Variants in COX10 observed in about 807,000 individuals in gnomAD.
COX10 encodes protoheme IX farnesyltransferase, mitochondrial.
Under a neutral mutation model 37.3 loss-of-function variants are expected in COX10, and 27 were observed. That is an observed-to-expected ratio of 0.72 (90% CI 0.53 to 1.00). The LOEUF is 1.00. Among genes scored for constraint, COX10 ranks in the 50% least tolerant of loss-of-function variants. The probability of loss-of-function intolerance (pLI) is 0.00; values close to 1 mark genes in which losing one functional copy is unlikely to be tolerated. For missense variants in COX10, 475 were observed against 563.2 expected (o/e 0.84, Z 1.59); for synonymous variants, 222 against 229.1 (o/e 0.97, Z 0.28).
intron 4 of COX10, among the ~76,000 whole-genome samples, chr17:14,151,042 A>C (rs541383794): frequency 6.7e-6 from 1 of 148,168 alleles, no homozygotes; most frequent in East Asian, 2.0e-4. Context: ...TAACATTATG[A>C]AAAACTAATT....
intron 4 of COX10, among the ~76,000 whole-genome samples, chr17:14,149,552 A>G (rs888342725): frequency 1.3e-5 from 2 of 152,156 alleles, no homozygotes; most frequent in Non-Finnish European, 2.9e-5. Flanking sequence ...TTCCTTGGCC[A>G]TGATGATTCA....
chr17:14,103,904 A>G (rs1020060338), intron 4 of COX10, among the ~76,000 whole-genome samples: 1 of 152,188 alleles, frequency 6.6e-6, no homozygotes, highest in Non-Finnish European at 1.5e-5. Context: ...TACGGGGGAA[A>G]GCCACAGAAT....
At chr17:14,139,879 G>T (rs569785289) in intron 4 of COX10, among the ~76,000 whole-genome samples, 1 of 152,086 alleles carries the variant, frequency 6.6e-6, no homozygotes, top group East Asian at 1.9e-4. Context: ...GAGCAATGTA[G>T]GCCTGGAGAA....
At chr17:14,172,698 C>T (rs546557548) in intron 5 of COX10, among the ~76,000 whole-genome samples, 1 of 151,666 alleles carries the variant, frequency 6.6e-6, no homozygotes, top group African/African-American at 2.4e-5. Context: ...CCCGCTCAGC[C>T]TCCCAAGTAG....
chr17:14,153,187 A>C (rs1904953173), intron 4 of COX10, among the ~76,000 whole-genome samples: 1 of 152,198 alleles, frequency 6.6e-6, no homozygotes, highest in Non-Finnish European at 1.5e-5. Flanking sequence ...CAGCCGTACT[A>C]AACTTCCAAA....
intron 4 of COX10, among the ~76,000 whole-genome samples, chr17:14,107,871 A>T (rs1255798235): frequency 6.6e-6 from 1 of 152,124 alleles, no homozygotes; most frequent in Non-Finnish European, 1.5e-5. Context: ...GACAGCCTTG[A>T]TGAGTAGAAT....
intron 6 of COX10, among the ~76,000 whole-genome samples, chr17:14,195,636 C>T (rs937354925): frequency 6.6e-6 from 1 of 152,162 alleles, no homozygotes; most frequent in African/African-American, 2.4e-5. Flanking sequence ...AATAATGAGA[C>T]TGTACCTGTG....
At chr17:14,194,453 G>A (rs980207656) in intron 6 of COX10, among the ~76,000 whole-genome samples, 2 of 152,150 alleles carry the variant, frequency 1.3e-5, no homozygotes, top group Admixed American at 6.5e-5. Flanking sequence ...TTGAGATGGC[G>A]TCTCGCTCTG....
At chr17:14,197,712 G>T (rs2856177) in intron 6 of COX10, among the ~76,000 whole-genome samples, 1 of 149,136 alleles carries the variant, frequency 6.7e-6, no homozygotes, top group Non-Finnish European at 1.5e-5. Context: ...TTTTCTCCCC[G>T]TCACAGTGCC....
chr17:14,205,766 T>G (rs1358223048), intron 6 of COX10, among the ~76,000 whole-genome samples: 1 of 152,160 alleles, frequency 6.6e-6, no homozygotes, highest in African/African-American at 2.4e-5. Flanking sequence ...TGGCATTGCC[T>G]AATTTTTTTT....
chr17:14,128,726 G>C (rs145728374), intron 4 of COX10, among the ~76,000 whole-genome samples: 71 of 152,320 alleles, frequency 4.7e-4, no homozygotes, highest in African/African-American at 1.7e-3. Flanking sequence ...ATTATGGATG[G>C]ATTTATGATT....
chr17:14,096,090 G>C (rs939949739), intron 3 of COX10, among the ~76,000 whole-genome samples: 2 of 152,138 alleles, frequency 1.3e-5, no homozygotes, highest in East Asian at 3.9e-4. Context: ...GGCATGGCAT[G>C]GTGAGAAGGT....
chr17:14,140,193 CTTA>C (rs1286680596), intron 4 of COX10, among the ~76,000 whole-genome samples: 1 of 152,126 alleles, frequency 6.6e-6, no homozygotes, highest in Non-Finnish European at 1.5e-5. Flanking sequence ...TCTATCTATA[CTTA>C]TTATTTGTTT....
At chr17:14,100,320 C>G (rs1163073130) in intron 3 of COX10, among the ~76,000 whole-genome samples, 1 of 152,070 alleles carries the variant, frequency 6.6e-6, no homozygotes, top group Non-Finnish European at 1.5e-5. Flanking sequence ...TCAGTGATAG[C>G]CCCCCCAAAT....
chr17:14,107,056 G>A (rs1201464397), intron 4 of COX10, among the ~76,000 whole-genome samples: 1 of 152,090 alleles, frequency 6.6e-6, no homozygotes, highest in Non-Finnish European at 1.5e-5. Flanking sequence ...TGTCCTGTGT[G>A]TTGCAGAGTG....
Position 14,076,893 on chromosome 17 carries a change from G to A in COX10, c.336G>A (p.Lys112=), listed in dbSNP as rs1915167539. The A allele has an allele frequency of 6.2e-7, 1 of 1,613,980 alleles. No individual in the cohort carries two copies. The highest frequency in any genetic ancestry group is 1.7e-5 in the Admixed American group (1 of 59,982). The change falls in exon 3 of 7, where the codon AAG becomes AAA. Residue 112 remains lysine (K), a synonymous_variant. Coordinates refer to ENST00000261643, the MANE Select transcript of COX10 (RefSeq NM_001303.4). The part of the protein sequence containing the change: ...LSPPSLSLSR[K]PNEKELIELE... ...CGCCCAGCCTATCTTTGTCCAGAAA[G>A]CCAAATGAAAAGGAATTGATAGAAC...
intron 6 of COX10, among the ~76,000 whole-genome samples, chr17:14,197,861 A>G (rs1178603929): frequency 3.9e-5 from 6 of 152,214 alleles, no homozygotes; most frequent in Non-Finnish European, 7.3e-5. Flanking sequence ...ACAGGAAATA[A>G]CTTCATTTTA....
At chr17:14,168,263 T>C (rs1008665572) in intron 5 of COX10, among the ~76,000 whole-genome samples, 13 of 152,222 alleles carry the variant, frequency 8.5e-5, no homozygotes, top group African/African-American at 3.1e-4. Flanking sequence ...TGATGCAAGG[T>C]TGGGCTCCCA....
intron 2 of COX10, among the ~76,000 whole-genome samples, chr17:14,076,296 C>T (rs955859792): frequency 1.3e-5 from 2 of 151,650 alleles, no homozygotes; most frequent in South Asian, 4.2e-4. Context: ...TAGAGACATT[C>T]CCTATGTTGC....
Sources: gnomAD v4.1 joint callset for allele counts (sites outside exome capture counted in the v4.1 genomes callset) on GRCh38, gnomAD v4.1.1 for gene constraint, MANE v1.5 for transcripts, NCBI Gene and HGNC (gene_info 2026-07-23, HGNC 2026-07-21) for gene names.